RAB10: variants seen among roughly 807,000 people sequenced by gnomAD.
RAB10 encodes RAB10, member RAS oncogene family.
Under a neutral mutation model 25.7 loss-of-function variants are expected in RAB10, and 5 were observed. The ratio of observed to expected loss-of-function variants is 0.19; its 90% CI spans 0.10 to 0.41. The LOEUF is 0.41. Among genes scored for constraint, RAB10 ranks in the 10% least tolerant of loss-of-function variants. RAB10 has a pLI of 1.00. For missense variants in RAB10, 103 were observed against 245.8 expected (o/e 0.42, Z 3.89); for synonymous variants, 89 against 86.4 (o/e 1.03, Z -0.16).
intron 1 of RAB10, among the ~76,000 whole-genome samples, chr2:26,036,543 C>G (rs1665768604): frequency 6.6e-6 from 1 of 151,838 alleles, no homozygotes; most frequent in South Asian, 2.1e-4. Flanking sequence ...CCTGTAGTCC[C>G]AGCTACTCAG....
intron 5 of RAB10, among the ~76,000 whole-genome samples, chr2:26,133,902 G>C (rs1668056318): frequency 1.3e-5 from 2 of 152,090 alleles, no homozygotes; most frequent in African/African-American, 4.8e-5. Flanking sequence ...TCGAACTCCT[G>C]ACCTCAGGTG....
intron 1 of RAB10, among the ~76,000 whole-genome samples, chr2:26,037,908 C>T (rs185818061): frequency 2.0e-3 from 310 of 151,292 alleles, no homozygotes; most frequent in Non-Finnish European, 3.6e-3. Flanking sequence ...TTTTTTGAGA[C>T]GGAGTTTCGT....
chr2:26,098,660 A>G lies in RAB10; in HGVS notation c.128-2A>G. On this transcript the variant is annotated splice_acceptor_variant, in intron 1 of 5. Coordinates refer to ENST00000264710, the MANE Select transcript of RAB10 (RefSeq NM_016131.5). LOFTEE classifies it high-confidence loss of function. ...CAGTTTACCTTTTTTTCTGCATTGT[A>G]GGAATAGACTTCAAGATCAAAACAG... is the stretch of plus-strand genomic sequence containing the variant. 6.3e-7 allele frequency: 1 copy of G among 1,581,760 alleles called. No individual in the cohort carries two copies. Among genetic ancestry groups the G allele is most frequent in the Non-Finnish European group, 8.7e-7 (1 of 1,152,580 alleles).
intron 1 of RAB10, among the ~76,000 whole-genome samples, chr2:26,051,534 G>A (rs1053448493): frequency 6.6e-6 from 1 of 150,462 alleles, no homozygotes; most frequent in Non-Finnish European, 1.5e-5. Context: ...GATCACGAAC[G>A]AGGTCAAGAG....
In RAB10 at chr2:26,136,176, A is replaced by G. The variant is rs141897258; in HGVS notation, c.*1155A>G. Reference sequence around the variant, plus strand: ...TGTATAGCCTATTCACTTTCCTAGAATAAATCTCTTAACCTAAATTTGAGT... The same window carrying G: ...TGTATAGCCTATTCACTTTCCTAGAGTAAATCTCTTAACCTAAATTTGAGT... On this transcript the variant is annotated 3_prime_UTR_variant, in exon 6 of 6. Coordinates refer to ENST00000264710, the MANE Select transcript of RAB10 (RefSeq NM_016131.5). The G allele has an allele frequency of 5.2e-5, 8 of 152,750 alleles. No individual in the cohort carries two copies. The highest frequency in any genetic ancestry group is 1.9e-4 in the African/African-American group (8 of 41,590). 9.5% of individuals were successfully genotyped at this position (152,750 alleles called of 1,614,324 possible). A position where few individuals can be genotyped will look rare whatever the true frequency, so the allele number is the denominator to read the frequency against.
chr2:26,035,688 A>G (rs1665750233), intron 1 of RAB10, among the ~76,000 whole-genome samples: 1 of 152,350 alleles, frequency 6.6e-6, no homozygotes, highest in East Asian at 1.9e-4. Context: ...TAAAAGACAC[A>G]TGGCTCTCAG....
chr2:26,133,145 T>C (rs1248906857), intron 5 of RAB10, among the ~76,000 whole-genome samples: 2 of 152,206 alleles, frequency 1.3e-5, no homozygotes, highest in Non-Finnish European at 2.9e-5. Context: ...ACTAGGCTTG[T>C]CTTAGGCTAC....
chr2:26,046,141 A>G lies in RAB10; in HGVS notation c.127+11406A>G, dbSNP rs1574525806. The stretch of plus-strand genomic sequence containing the variant: ...GGAGTTCGAGACCAGCCTGACCAAC[A>G]TGGAGAAACCCTGTTTCTACTAAAA... On this transcript the variant is annotated intron_variant, in intron 1 of 5. Transcript: ENST00000264710. 2.0e-5 allele frequency among the ~76,000 whole-genome samples: 3 copies of G among 152,314 alleles called. No homozygotes were observed. In the East Asian group the frequency reaches 5.8e-4, roughly 29 times the overall value.
At chr2:26,088,951 T>TGTGG (rs1667046093) in intron 1 of RAB10, among the ~76,000 whole-genome samples, 1 of 151,620 alleles carries the variant, frequency 6.6e-6, no homozygotes, top group Non-Finnish European at 1.5e-5. Flanking sequence ...GGTGTTTGCA[T>TGTGG]GTGGGTATAT....
At chr2:26,058,841 T>G (rs1666326059) in intron 1 of RAB10, among the ~76,000 whole-genome samples, 1 of 152,210 alleles carries the variant, frequency 6.6e-6, no homozygotes, top group Non-Finnish European at 1.5e-5. Flanking sequence ...AGCTCCCCTC[T>G]TCCAGTTCAG....
At chr2:26,079,761 G>A (rs949029377) in intron 1 of RAB10, among the ~76,000 whole-genome samples, 1 of 151,536 alleles carries the variant, frequency 6.6e-6, no homozygotes, top group African/African-American at 2.4e-5. Context: ...AACTTCATGG[G>A]CTCAAGTGAT....
At position 26,136,161 on chromosome 2, in the gene RAB10, A is replaced by AT. The variant is rs1466810072; in HGVS notation, c.*1142dup. Reference sequence around the variant, plus strand: ...GTCTTTCTAATTAGGTGTATAGCCTATTCACTTTCCTAGAATAAATCTCTT... The same window carrying AT: ...GTCTTTCTAATTAGGTGTATAGCCTATTTCACTTTCCTAGAATAAATCTCTT... On this transcript the variant is annotated 3_prime_UTR_variant, in exon 6 of 6. Transcript: ENST00000264710. The AT allele has an allele frequency of 6.6e-6, 1 of 152,616 alleles. No homozygotes were observed. The highest frequency in any genetic ancestry group is 2.4e-5 in the African/African-American group (1 of 41,454). The allele number at this position is 152,616 out of a possible 1,614,324, so 9.5% of individuals were successfully genotyped here.
intron 1 of RAB10, among the ~76,000 whole-genome samples, chr2:26,088,930 AG>A (rs1382986632): frequency 2.0e-5 from 3 of 151,280 alleles, no homozygotes; most frequent in African/African-American, 7.3e-5. Context: ...GCTTATCTTC[AG>A]TTTTTCTTAG....
chr2:26,116,745 A>G (rs190674180), intron 3 of RAB10, among the ~76,000 whole-genome samples: 1 of 151,488 alleles, frequency 6.6e-6, no homozygotes, highest in Non-Finnish European at 1.5e-5. Flanking sequence ...TTCAGTAGAG[A>G]TGGGGTTTCA....
chr2:26,078,124 CAAGAAGTATAA>C (rs1176385118), intron 1 of RAB10, among the ~76,000 whole-genome samples: 1 of 152,026 alleles, frequency 6.6e-6, no homozygotes, highest in Non-Finnish European at 1.5e-5. Flanking sequence ...AGATTTAACA[CAAGAAGTATAA>C]GACTTAATGA....
intron 3 of RAB10, among the ~76,000 whole-genome samples, chr2:26,114,336 A>G (rs1377648077): frequency 6.6e-6 from 1 of 152,210 alleles, no homozygotes; most frequent in Non-Finnish European, 1.5e-5. Context: ...TCTGGTTTTA[A>G]AACTTAACCG....
intron 1 of RAB10, among the ~76,000 whole-genome samples, chr2:26,045,284 G>C (rs532812259): frequency 1.3e-5 from 2 of 150,998 alleles, no homozygotes; most frequent in East Asian, 1.9e-4. Context: ...CTGTCGCCCA[G>C]GCTGGAGTGC....
intron 3 of RAB10, among the ~76,000 whole-genome samples, chr2:26,110,364 T>C: frequency 6.6e-6 from 1 of 150,440 alleles, no homozygotes; most frequent in Non-Finnish European, 1.5e-5. Context: ...AAAGTTAATG[T>C]TGTTATTTGC....
At chr2:26,094,122 C>G (rs1057185011) in intron 1 of RAB10, among the ~76,000 whole-genome samples, 2 of 152,028 alleles carry the variant, frequency 1.3e-5, no homozygotes. Flanking sequence ...CTCCTGGACT[C>G]AAGCAGTCCT....
Sources: allele counts gnomAD v4.1 joint callset (sites outside exome capture counted in the v4.1 genomes callset), GRCh38; gene constraint gnomAD v4.1.1; transcripts MANE v1.5; gene names NCBI Gene and HGNC (gene_info 2026-07-23, HGNC 2026-07-21).